Variants in CHRNB1 observed in about 807,000 individuals in gnomAD.
The protein encoded by CHRNB1 is cholinergic receptor nicotinic beta 1 subunit.
Under a neutral mutation model 53.8 loss-of-function variants are expected in CHRNB1, and 47 were observed. The ratio of observed to expected loss-of-function variants is 0.87; its 90% CI spans 0.69 to 1.11. The LOEUF is 1.11. Among genes scored for constraint, CHRNB1 ranks in the 50% most tolerant of loss-of-function variants. CHRNB1 has a pLI of 0.00. For missense variants in CHRNB1, 605 were observed against 654.9 expected (o/e 0.92, Z 0.83); for synonymous variants, 259 against 263.5 (o/e 0.98, Z 0.16).
chr17:7,448,771 A>T lies in CHRNB1; in HGVS notation c.803A>T (p.Tyr268Phe), dbSNP rs1485206184. Residue 268 changes from tyrosine to phenylalanine, a missense_variant, in exon 7 of 11, where the codon TAC becomes TTC. Transcript: ENST00000306071. The part of the protein sequence containing the change: ...LITLLAIFVF[Y>F]LPPDAGEKMG... ...ACTCTTCTGGCCATCTTCGTCTTCT[A>T]CCTGCCACCAGATGCAGGTAATGGG... 1 of 1,614,152 alleles carries T rather than the reference A, an allele frequency of 6.2e-7. No homozygotes were observed. Among genetic ancestry groups the T allele is most frequent in the African/African-American group, 1.3e-5 (1 of 75,022 alleles).
chr17:7,446,227 AC>A, intron 3 of CHRNB1, 114 bp downstream of exon 3: 2 of 927,962 alleles, frequency 2.2e-6, no homozygotes, highest in Admixed American at 2.0e-5. Context: ...CACGTTTATA[AC>A]TGAAGCAAAA....
chr17:7,452,542 C>G (rs1908927511), intron 7 of CHRNB1, among the ~76,000 whole-genome samples: 1 of 152,132 alleles, frequency 6.6e-6, no homozygotes. Context: ...TGAGGACCAG[C>G]TAGAACAGGA....
intron 10 of CHRNB1, 101 bp downstream of exon 10, chr17:7,456,042 T>C (rs1430044390): frequency 1.1e-6 from 1 of 936,726 alleles, no homozygotes; most frequent in African/African-American, 1.8e-5. Flanking sequence ...GTGTGGTTTT[T>C]TTTTGGCTTT....
chr17:7,449,365 A>G (rs1021130618), intron 7 of CHRNB1, among the ~76,000 whole-genome samples: 1 of 145,994 alleles, frequency 6.8e-6, no homozygotes, highest in African/African-American at 2.5e-5. Flanking sequence ...GGCCTCCCAA[A>G]GTGCTGGGAT....
intron 3 of CHRNB1, 46 bp from the exon 4 acceptor site, chr17:7,446,786 CT>C (rs1908651089): frequency 6.7e-7 from 1 of 1,494,924 alleles, no homozygotes; most frequent in African/African-American, 1.4e-5. Flanking sequence ...TCCCAAGTCC[CT>C]CCCGGCCTCC....
intron 3 of CHRNB1, 46 bp downstream of exon 3, chr17:7,446,159 C>G: frequency 1.3e-6 from 2 of 1,519,796 alleles, no homozygotes; most frequent in Non-Finnish European, 9.1e-7. Flanking sequence ...TCTGCCTTGA[C>G]AATTTCCTTG....
At position 7,446,323 on chromosome 17, in the gene CHRNB1, GTGTC is replaced by G. The variant is rs745625002; in HGVS notation, c.243+214_243+217del. The G allele has an allele frequency of 0.13, 20,266 of 157,256 alleles. 219 individuals carry two copies. The highest frequency in any genetic ancestry group is 0.18 in the Admixed American group (1,458 of 7,978). The allele number at this position is 157,256 out of a possible 1,614,324, so 9.7% of individuals were successfully genotyped here. A position where few individuals can be genotyped will look rare whatever the true frequency, so the allele number is the denominator to read the frequency against. ...CAATTTTGTGTGTGTGTGTGTGTGT[GTGTC>G]TGTGTGTGTGTGTGTGTGTGTGTGT... On this transcript the variant is annotated intron_variant, in intron 3 of 10. Transcript: ENST00000306071.
Position 7,455,791 on chromosome 17 carries a change from C to T in CHRNB1, c.1218-3C>T, listed in dbSNP as rs886053404. On this transcript the variant is annotated splice_region_variant and splice_polypyrimidine_tract_variant and intron_variant, in intron 9 of 10. Transcript: ENST00000306071. ...TGGGCGTGGCCAGTCACTCCTCTTC[C>T]AGGTTCCAGCCTGAACTGTCTGCCC... 5 of 1,614,206 alleles carry T rather than the reference C, an allele frequency of 3.1e-6. No individual in the cohort carries two copies. Among genetic ancestry groups the T allele is most frequent in the Non-Finnish European group, 4.2e-6 (5 of 1,180,034 alleles).
chr17:7,455,395 G>A lies in CHRNB1; in HGVS notation c.1156G>A (p.Gly386Arg). Reference protein sequence around the residue: ...CSSPGSGWGRGTDEYFIRKPP... With the variant: ...CSSPGSGWGRRTDEYFIRKPP... The stretch of plus-strand genomic sequence containing the variant: ...TTCTCCAGGAAGTGGCTGGGGTCGG[G>A]GAACAGATGAATATTTCATCCGGAA... The change falls in exon 9 of 11, where the codon GGA becomes AGA. Residue 386 changes from glycine to arginine, a missense_variant. Coordinates refer to ENST00000306071, the MANE Select transcript of CHRNB1 (RefSeq NM_000747.3). The A allele has an allele frequency of 3.1e-6, 5 of 1,614,114 alleles. No individual in the cohort carries two copies.
intron 5 of CHRNB1, 176 bp downstream of exon 5, chr17:7,447,327 A>G: frequency 1.1e-6 from 1 of 920,154 alleles, no homozygotes; most frequent in Non-Finnish European, 1.7e-6. Context: ...ACTTTCTTTG[A>G]CTTCTAGTCT....
At chr17:7,455,606 G>T (rs1006544826) in intron 9 of CHRNB1, 150 bp downstream of exon 9, 112 of 1,230,390 alleles carry the variant, frequency 9.1e-5, no homozygotes, top group Admixed American at 2.7e-4. Context: ...TTTGAGGGGA[G>T]GTGGGAACTA....
chr17:7,445,487 C>T lies in CHRNB1; in HGVS notation c.198+78C>T. ...GCTTTAGGCAAGGCCGGACCAGGGA[C>T]AGGCTGGGGGCGGGGCCTGGGACGA... is the stretch of plus-strand genomic sequence containing the variant. On this transcript the variant is annotated intron_variant, in intron 2 of 10. Transcript: ENST00000306071. The surrounding 1 kb of genome is among the most constrained non-coding windows in gnomAD (Gnocchi z 5.7). The T allele has an allele frequency of 1.3e-6, 2 of 1,567,264 alleles. No homozygotes were observed. The highest frequency in any genetic ancestry group is 1.7e-6 in the Non-Finnish European group (2 of 1,160,586).
chr17:7,456,682 G>C lies in CHRNB1; in HGVS notation c.1465G>C (p.Asp489His). ...TSVGTLVIFL[D>H]ATYHLPPPDP... ...CGTTGGGACCCTAGTCATCTTCCTG[G>C]ACGCCACGTACCACTTGCCCCCTCC... is the stretch of plus-strand genomic sequence containing the variant. The change falls in exon 11 of 11, where the codon GAC (aspartate) becomes CAC (histidine). Residue 489 changes from aspartate to histidine, a missense_variant. Coordinates refer to ENST00000306071, the MANE Select transcript of CHRNB1 (RefSeq NM_000747.3). The C allele has an allele frequency of 6.2e-7, 1 of 1,614,146 alleles. No individual in the cohort carries two copies. The highest frequency in any genetic ancestry group is 1.1e-5 in the South Asian group (1 of 91,084).
chr17:7,455,246 A>C (rs747700318), intron 8 of CHRNB1, 38 bp from the exon 9 acceptor site: 3 of 1,613,462 alleles, frequency 1.9e-6, no homozygotes, highest in East Asian at 4.5e-5. Context: ...GTCTGAAAGC[A>C]TGAAAGCCCC....
At chr17:7,454,794 C>CTTTTT (rs1171593191) in intron 8 of CHRNB1, among the ~76,000 whole-genome samples, 3 of 65,528 alleles carry the variant, frequency 4.6e-5, no homozygotes, top group Admixed American at 2.1e-4. Context: ...CACTAAATAG[C>CTTTTT]TTTTTTTTTT....
chr17:7,446,311 GTGTGTGTGTGTGTGTC>G lies in CHRNB1; in HGVS notation c.243+214_243+229del, dbSNP rs1451029603. The G allele has an allele frequency of 6.6e-3, 2,676 of 403,368 alleles. 47 individuals are homozygous for G. The African/African-American group carries it at 0.082, about 12-fold the overall frequency. 25.0% of individuals were successfully genotyped at this position (403,368 alleles called of 1,614,324 possible). A position where few individuals can be genotyped will look rare whatever the true frequency, so the allele number is the denominator to read the frequency against. ...CATTTTTAATTCCAATTTTGTGTGT[GTGTGTGTGTGTGTGTC>G]TGTGTGTGTGTGTGTGTGTGTGTGT... On this transcript the variant is annotated intron_variant, in intron 3 of 10. Coordinates refer to ENST00000306071, the MANE Select transcript of CHRNB1 (RefSeq NM_000747.3).
intron 7 of CHRNB1, among the ~76,000 whole-genome samples, chr17:7,451,354 G>C (rs1908883663): frequency 7.3e-6 from 1 of 137,550 alleles, no homozygotes; most frequent in African/African-American, 2.8e-5. Context: ...TCGGCTCACT[G>C]CAACCTCCAC....
Position 7,447,498 on chromosome 17 carries a change from T to C in CHRNB1, c.463-5T>C. Reference sequence around the variant, plus strand: ...GCAGCTCTAGTGACTCTCTCCTCCATCCAGGTCACCTACTTCCCCTTCGAC... The same window carrying C: ...GCAGCTCTAGTGACTCTCTCCTCCACCCAGGTCACCTACTTCCCCTTCGAC... On this transcript the variant is annotated splice_region_variant and splice_polypyrimidine_tract_variant and intron_variant, in intron 5 of 10. Transcript: ENST00000306071. 4 of 1,614,096 alleles carry C rather than the reference T, an allele frequency of 2.5e-6. No individual in the cohort carries two copies. The highest frequency in any genetic ancestry group is 3.4e-6 in the Non-Finnish European group (4 of 1,180,028).
intron 7 of CHRNB1, among the ~76,000 whole-genome samples, chr17:7,450,796 T>C (rs1038849679): frequency 1.3e-5 from 2 of 152,180 alleles, no homozygotes; most frequent in African/African-American, 4.8e-5. Flanking sequence ...AGTGTTGCAA[T>C]TCCAACCTGG....
Sources: allele counts gnomAD v4.1 joint callset (sites outside exome capture counted in the v4.1 genomes callset), GRCh38; gene constraint gnomAD v4.1.1; non-coding constraint Gnocchi (gnomAD v3.1); transcripts MANE v1.5; gene names NCBI Gene and HGNC (gene_info 2026-07-23, HGNC 2026-07-21).